DOCK3: variants seen among roughly 807,000 people sequenced by gnomAD.
The protein encoded by DOCK3 is dedicator of cytokinesis 3.
DOCK3 carries 60 observed loss-of-function variants against 265.6 expected under a neutral mutation model. That is an observed-to-expected ratio of 0.23 (90% confidence interval 0.18 to 0.28). The LOEUF is 0.28. Ranked by LOEUF, DOCK3 falls within the 10% of genes least tolerant of loss-of-function variation. The pLI is 1.00. For synonymous variants in DOCK3, 881 were observed against 938.0 expected, an observed-to-expected ratio of 0.94 and a Z score of 1.11; for missense variants, 1,981 against 2,594.3, an observed-to-expected ratio of 0.76 and a Z score of 5.14.
At chr3:51,161,338 G>A (rs1309980170) in intron 12 of DOCK3, among the ~76,000 whole-genome samples, 2 of 151,776 alleles carry the variant, frequency 1.3e-5, no homozygotes, top group African/African-American at 4.8e-5. Flanking sequence ...CAGCTACTCG[G>A]GAGGCTGAGG....
intron 10 of DOCK3, among the ~76,000 whole-genome samples, chr3:51,156,711 G>A (rs1260414619): frequency 6.6e-6 from 1 of 152,162 alleles, no homozygotes; most frequent in Admixed American, 6.5e-5. Flanking sequence ...GTCAGAAAGA[G>A]CCCCTACTCA....
At chr3:51,115,677 G>A (rs528730512) in intron 9 of DOCK3, among the ~76,000 whole-genome samples, 8 of 152,212 alleles carry the variant, frequency 5.3e-5, no homozygotes, top group Admixed American at 3.9e-4. Context: ...TTTGGCTTTT[G>A]TTGCCATTGC....
rs1194045983 is a variant in DOCK3 at position 51,053,088 on chromosome 3, T to G, written c.316-11360T>G. ...TTTAAAAAAGTCAAAGATATATATATATATATATATATATATATATATATA... is the reference window on the plus strand; with the variant it reads ...TTTAAAAAAGTCAAAGATATATATAGATATATATATATATATATATATATA... On this transcript the variant is annotated intron_variant, in intron 5 of 52. Coordinates refer to ENST00000266037, the MANE Select transcript of DOCK3 (RefSeq NM_004947.5). 7.1e-4 allele frequency among the ~76,000 whole-genome samples: 49 copies of G among 69,194 alleles called. 2 individuals carry two copies. Among genetic ancestry groups the G allele is most frequent in the Non-Finnish European group, 1.4e-3 (45 of 33,104 alleles). The allele number at this position is 69,194 out of a possible 152,430, so 45.4% of individuals were successfully genotyped here.
At chr3:51,318,559 A>C (rs375449816) in intron 32 of DOCK3, among the ~76,000 whole-genome samples, 1 of 152,282 alleles carries the variant, frequency 6.6e-6, no homozygotes, top group East Asian at 1.9e-4. Flanking sequence ...CTTCTAAATA[A>C]TTCCATGCAA....
chr3:51,227,991 A>G lies in DOCK3; in HGVS notation c.1550A>G (p.Lys517Arg). 1 of 1,614,032 alleles carries G rather than the reference A, an allele frequency of 6.2e-7. No individual in the cohort carries two copies. ...TTGGCTCTGATTACAGCAAAGGACA[A>G]AGGGGAAAAGAAACTCTTTGGCTTT... The part of the protein sequence containing the change: ...FEFRHCSTKD[K>R]GEKKLFGFAF... The change falls in exon 17 of 53, where the codon AAA becomes AGA. Residue 517 changes from lysine (K) to arginine (R), a missense_variant. By Grantham distance (26) the Lys-to-Arg change is conservative. Transcript: ENST00000266037.
intron 27 of DOCK3, among the ~76,000 whole-genome samples, chr3:51,309,139 A>G (rs1279341857): frequency 6.8e-6 from 1 of 146,410 alleles, no homozygotes; most frequent in Non-Finnish European, 1.5e-5. Flanking sequence ...ATCCCAGACA[A>G]TGGGCAGCCA....
intron 2 of DOCK3, among the ~76,000 whole-genome samples, chr3:50,840,806 C>T (rs1266441392): frequency 6.6e-6 from 1 of 152,130 alleles, no homozygotes; most frequent in African/African-American, 2.4e-5. Context: ...TTTATTTTTT[C>T]AGCTATTGTT....
intron 5 of DOCK3, among the ~76,000 whole-genome samples, chr3:51,006,770 C>A (rs1575735301): frequency 1.3e-5 from 2 of 152,304 alleles, no homozygotes; most frequent in East Asian, 3.9e-4. Flanking sequence ...CTCTCCCTCC[C>A]TGCTCCCCCT....
intron 4 of DOCK3, among the ~76,000 whole-genome samples, chr3:50,932,503 T>C (rs1365906371): frequency 6.6e-6 from 1 of 152,230 alleles, no homozygotes; most frequent in African/African-American, 2.4e-5. Context: ...ACCCTCAACA[T>C]TGGTGTGGAC....
At chr3:51,030,051 C>A (rs2079985322) in intron 5 of DOCK3, among the ~76,000 whole-genome samples, 1 of 152,088 alleles carries the variant, frequency 6.6e-6, no homozygotes, top group Non-Finnish European at 1.5e-5. Flanking sequence ...GAGGAAAGCA[C>A]TCTCTCCTAC....
rs1560323982 is a variant in DOCK3 at position 51,270,973 on chromosome 3, C to T, written c.2514C>T (p.Ala838=). 1.2e-6 allele frequency: 2 copies of T among 1,613,782 alleles called. No individual in the cohort carries two copies. Among genetic ancestry groups the T allele is most frequent in the South Asian group, 1.1e-5 (1 of 91,062 alleles). The part of the protein sequence containing the change: ...SMDVVKLQSI[A]RTVDSRLFSF... Reference sequence around the variant, plus strand: ...ACGTGGTCAAGCTGCAGTCCATTGCCAGGACAGTGGATAGCCGCCTGTTTT... The same window carrying T: ...ACGTGGTCAAGCTGCAGTCCATTGCTAGGACAGTGGATAGCCGCCTGTTTT... The change falls in exon 24 of 53, where the codon GCC becomes GCT. Residue 838 remains alanine, a synonymous_variant. Coordinates refer to ENST00000266037, the MANE Select transcript of DOCK3 (RefSeq NM_004947.5).
chr3:51,178,028 T>TA (rs59659600), intron 12 of DOCK3, among the ~76,000 whole-genome samples: 92,335 of 137,894 alleles, frequency 0.67, 31,114 homozygotes, highest in African/African-American at 0.76. Flanking sequence ...CTCAAAATAG[T>TA]AAAAAAAAAA....
At chr3:50,845,020 C>T (rs375932537) in intron 3 of DOCK3, among the ~76,000 whole-genome samples, 13 of 152,078 alleles carry the variant, frequency 8.5e-5, no homozygotes, top group Non-Finnish European at 1.3e-4. Flanking sequence ...GCCAGGAGTT[C>T]GAGATCAGCC....
intron 5 of DOCK3, among the ~76,000 whole-genome samples, chr3:50,983,392 G>T (rs2077772410): frequency 6.6e-6 from 1 of 152,034 alleles, no homozygotes; most frequent in Non-Finnish European, 1.5e-5. Flanking sequence ...CCTTTTCTGG[G>T]CCCACCCATG....
intron 5 of DOCK3, among the ~76,000 whole-genome samples, chr3:51,000,979 A>T (rs546184921): frequency 1.3e-5 from 2 of 152,300 alleles, no homozygotes; most frequent in South Asian, 2.1e-4. Flanking sequence ...AACATCACCC[A>T]GTTAATTTAT....
At chr3:50,785,559 ATTGAG>A (rs1219517939) in intron 2 of DOCK3, among the ~76,000 whole-genome samples, 2 of 152,324 alleles carry the variant, frequency 1.3e-5, no homozygotes, top group Admixed American at 6.5e-5. Flanking sequence ...TTATGCATCT[ATTGAG>A]ATGATCATGT....
At chr3:50,728,304 C>T (rs547876056) in intron 1 of DOCK3, among the ~76,000 whole-genome samples, 3 of 151,914 alleles carry the variant, frequency 2.0e-5, no homozygotes, top group Non-Finnish European at 2.9e-5. Context: ...TTTGTGGGTG[C>T]AGTAAAGCAA....
At chr3:50,972,072 ATATC>A (rs377177137) in intron 5 of DOCK3, among the ~76,000 whole-genome samples, 41 of 152,348 alleles carry the variant, frequency 2.7e-4, no homozygotes, top group African/African-American at 9.6e-4. Context: ...AGCTGTGAAG[ATATC>A]TATCTTGTGG....
intron 23 of DOCK3, among the ~76,000 whole-genome samples, chr3:51,266,234 G>A (rs966272604): frequency 3.3e-5 from 5 of 152,090 alleles, no homozygotes; most frequent in African/African-American, 4.8e-5. Context: ...AATCAATATC[G>A]TGAAAATGGC....
Sources: allele counts gnomAD v4.1 joint callset (sites outside exome capture counted in the v4.1 genomes callset), GRCh38; gene constraint gnomAD v4.1.1; transcripts MANE v1.5; gene names NCBI Gene and HGNC (gene_info 2026-07-23, HGNC 2026-07-21).